The following ACP6 variants were observed in gnomAD, a reference collection of about 807,000 sequenced individuals.
ACP6 encodes the protein acid phosphatase 6, lysophosphatidic, also known as lysophosphatidic acid phosphatase type 6.
A neutral mutation model predicts 48.1 loss-of-function variants in ACP6; 48 were observed. The observed-to-expected ratio is 1.00, with a 90% CI of 0.79 to 1.27. The LOEUF is 1.27. Among genes scored for constraint, ACP6 ranks in the 50% most tolerant of loss-of-function variants. The pLI, the probability that ACP6 is intolerant of heterozygous loss-of-function variation, is 0.00. For synonymous variants in ACP6, 172 were observed against 204.2 expected, an observed-to-expected ratio of 0.84 and a Z score of 1.34; for missense variants, 485 against 529.1, an observed-to-expected ratio of 0.92 and a Z score of 0.82.
rs1570944515 is a variant in ACP6 at position 147,644,406 on chromosome 1, T to C, written c.*3017A>G. 1.3e-5 allele frequency: 2 copies of C among 152,334 alleles called. No individual in the cohort carries two copies. Among genetic ancestry groups the C allele is most frequent in the African/African-American group, 4.8e-5 (2 of 41,574 alleles). The allele number at this position is 152,334 out of a possible 1,614,324, so 9.4% of individuals were successfully genotyped here. On this transcript the variant is annotated 3_prime_UTR_variant, in exon 10 of 10. Coordinates refer to ENST00000583509, the MANE Select transcript of ACP6 (RefSeq NM_016361.5). ...ATGTCATAGGACCGTGAGGGCATTA[T>C]GACTGGCCCTTAGTTTGAGATGAGA...
intron 5 of ACP6, among the ~76,000 whole-genome samples, chr1:147,654,820 C>T (rs973247358): frequency 1.3e-5 from 2 of 152,142 alleles, no homozygotes; most frequent in Non-Finnish European, 1.5e-5. Context: ...TTTATTTAAC[C>T]TGTTGGTTTT....
rs76157850 is a variant in ACP6, at chr1:147,660,106, T to C, written c.220-331A>G. The stretch of plus-strand genomic sequence containing the variant: ...GATACGTGGTGAATGAACGAATAGA[T>C]GGATGAAAGAAATAAGATGTCAGTG... On this transcript the variant is annotated intron_variant, in intron 1 of 9. Transcript: ENST00000583509. Among the ~76,000 whole-genome samples, 1,352 of 152,304 alleles carry C rather than the reference T, an allele frequency of 8.9e-3. 14 individuals are homozygous for C. Among genetic ancestry groups the C allele is most frequent in the Non-Finnish European group, 0.015 (1,013 of 68,028 alleles).
chr1:147,663,593 T>C (rs1294655318), intron 1 of ACP6, among the ~76,000 whole-genome samples: 1 of 152,044 alleles, frequency 6.6e-6, no homozygotes. Context: ...GGAGCATCAC[T>C]TGAGGCCAGG....
chr1:147,653,380 C>T (rs1553211019), intron 6 of ACP6, among the ~76,000 whole-genome samples: 1 of 151,918 alleles, frequency 6.6e-6, no homozygotes, highest in Non-Finnish European at 1.5e-5. Context: ...CCTCCCACCT[C>T]AGCCTCCCAA....
At chr1:147,659,113 A>C in intron 3 of ACP6, 74 bp from the exon 4 acceptor site, 1 of 1,361,942 alleles carries the variant, frequency 7.3e-7, no homozygotes, top group Non-Finnish European at 1.0e-6. Flanking sequence ...TATTCCACAT[A>C]CGCTCCAGGG....
intron 9 of ACP6, chr1:147,647,833 G>T: frequency 1.8e-6 from 1 of 549,270 alleles, no homozygotes; most frequent in Non-Finnish European, 3.2e-6. Context: ...CTCATCCCTG[G>T]GGCGTGCTCT....
chr1:147,654,584 A>G (rs1431783173), intron 5 of ACP6, among the ~76,000 whole-genome samples: 1 of 152,246 alleles, frequency 6.6e-6, no homozygotes, highest in East Asian at 1.9e-4. Context: ...TTTGCATTGC[A>G]TCAAAAATGA....
In ACP6 at chr1:147,652,559, C is replaced by T; in HGVS notation, c.781-10G>A. On this transcript the variant is annotated splice_polypyrimidine_tract_variant and intron_variant, in intron 6 of 9. Transcript: ENST00000583509. ...TTGGGAGGTTGTGTGCCTGAAAGGG[C>T]CACATGTAGTTTTAGAAAAAAATGC... 1.9e-6 allele frequency: 3 copies of T among 1,613,870 alleles called. No individual in the cohort carries two copies. The highest frequency in any genetic ancestry group is 2.5e-6 in the Non-Finnish European group (3 of 1,179,952).
intron 6 of ACP6, among the ~76,000 whole-genome samples, chr1:147,653,701 T>C (rs1660080417): frequency 6.6e-6 from 1 of 152,154 alleles, no homozygotes; most frequent in African/African-American, 2.4e-5. Context: ...GAGAAACCTT[T>C]CCCATTGTTA....
At position 147,659,256 on chromosome 1, in the gene ACP6, T is replaced by C. The variant is rs1257424055; in HGVS notation, c.479+140A>G. ...GGAACGACCTGTTCACCAGATCCTG[T>C]GACATAAGGGTATGCAGCATGACAA... is the stretch of plus-strand genomic sequence containing the variant. On this transcript the variant is annotated intron_variant, in intron 3 of 9. Transcript: ENST00000583509. 4.0e-6 allele frequency: 5 copies of C among 1,259,056 alleles called. No homozygotes were observed. The African/African-American group carries it at 4.5e-5, about 11-fold the overall frequency. The allele number at this position is 1,259,056 out of a possible 1,614,324, so 78.0% of individuals were successfully genotyped here.
In ACP6 at chr1:147,670,345, G is replaced by A. The variant is rs587763440; in HGVS notation, c.-297C>T. 3.2e-6 allele frequency: 1 copy of A among 307,994 alleles called. No individual in the cohort carries two copies. The highest frequency in any genetic ancestry group is 2.1e-5 in the African/African-American group (1 of 46,712). The allele number at this position is 307,994 out of a possible 1,614,324, so 19.1% of individuals were successfully genotyped here. A position where few individuals can be genotyped will look rare whatever the true frequency, so the allele number is the denominator to read the frequency against. On this transcript the variant is annotated 5_prime_UTR_variant, in exon 1 of 10. It introduces an in-frame stop codon into an upstream open reading frame of the 5' UTR. Coordinates refer to ENST00000583509, the MANE Select transcript of ACP6 (RefSeq NM_016361.5). Reference sequence around the variant, plus strand: ...GGGGGAGATCGGATCCTTATCTTTTGCCCGACGAGGAACATTAAACTTGTA... The same window carrying A: ...GGGGGAGATCGGATCCTTATCTTTTACCCGACGAGGAACATTAAACTTGTA...
intron 8 of ACP6, among the ~76,000 whole-genome samples, chr1:147,648,949 G>A (rs1432904621): frequency 6.6e-6 from 1 of 152,122 alleles, no homozygotes; most frequent in African/African-American, 2.4e-5. Context: ...CCATCTCTTA[G>A]GAAAGACCAA....
intron 6 of ACP6, among the ~76,000 whole-genome samples, chr1:147,653,813 T>G (rs587630856): frequency 6.6e-6 from 1 of 152,292 alleles, no homozygotes; most frequent in Non-Finnish European, 1.5e-5. Flanking sequence ...GAAGGGCATC[T>G]CAGATTTTTT....
At chr1:147,631,401 A>G (rs980010967) in intron 5 of ACP6, among the ~76,000 whole-genome samples, 5 of 152,200 alleles carry the variant, frequency 3.3e-5, no homozygotes, top group South Asian at 2.1e-4. Context: ...ACTTTTCTTC[A>G]TCACTCTAGA....
chr1:147,631,443 G>A (rs182144423), intron 5 of ACP6, among the ~76,000 whole-genome samples: 9 of 152,124 alleles, frequency 5.9e-5, no homozygotes, highest in South Asian at 2.1e-4. Flanking sequence ...CATTTATTAC[G>A]TGTTTGTTTG....
At position 147,659,517 on chromosome 1, in the gene ACP6, A is replaced by T. The variant is rs1553212315; in HGVS notation, c.358T>A (p.Phe120Ile). Residue 120 changes from phenylalanine to isoleucine, a missense_variant, in exon 3 of 10, where the codon TTT becomes ATT. Phe to Ile is a conservative substitution (Grantham distance 21). Transcript: ENST00000583509. ...YHETTLKGGM[F>I]AGQLTKVGMQ... ...CCCACCTTGGTCAGCTGCCCAGCAA[A>T]CATGCCCCCCTAAAGTAGGGAAGAA... 2 of 1,613,898 alleles carry T rather than the reference A, an allele frequency of 1.2e-6. No homozygotes were observed. The highest frequency in any genetic ancestry group is 2.7e-5 in the African/African-American group (2 of 74,808).
chr1:147,634,437 G>T (rs1659248610), intron 5 of ACP6, among the ~76,000 whole-genome samples: 1 of 150,148 alleles, frequency 6.7e-6, no homozygotes, highest in Admixed American at 6.6e-5. Context: ...ATGCCTAAAA[G>T]TTTTTTTTTT....
intron 1 of ACP6, among the ~76,000 whole-genome samples, 186 bp downstream of exon 1, chr1:147,669,644 T>C (rs1660980560): frequency 6.6e-6 from 1 of 152,266 alleles, no homozygotes; most frequent in Non-Finnish European, 1.5e-5. Context: ...GGGGCTGTCC[T>C]AACCCCAGCA....
chr1:147,658,600 G>A (rs1553212086), intron 4 of ACP6, among the ~76,000 whole-genome samples: 2 of 152,240 alleles, frequency 1.3e-5, no homozygotes, highest in African/African-American at 4.8e-5. Context: ...TAGCAGCAGT[G>A]TTGGGTCCCA....
Sources: allele counts gnomAD v4.1 joint callset (sites outside exome capture counted in the v4.1 genomes callset), GRCh38; gene constraint gnomAD v4.1.1; transcripts MANE v1.5; gene names NCBI Gene and HGNC (gene_info 2026-07-23, HGNC 2026-07-21).